Variants in GFRA1 observed in about 807,000 individuals in gnomAD.
GFRA1 encodes GDNF family receptor alpha 1, also known as GDNF family receptor alpha-1.
Under a neutral mutation model 51.6 loss-of-function variants are expected in GFRA1, and 16 were observed. The ratio of observed to expected loss-of-function variants is 0.31; its 90% CI spans 0.21 to 0.47. The LOEUF (loss-of-function observed/expected upper bound fraction) is 0.47. Ranked by LOEUF, GFRA1 falls within the 20% of genes least tolerant of loss-of-function variation. The probability of loss-of-function intolerance (pLI) is 1.00; values close to 1 mark genes in which losing one functional copy is unlikely to be tolerated. For missense variants in GFRA1, 530 were observed against 594.3 expected, an observed-to-expected ratio of 0.89 and a Z score of 1.13; for synonymous variants, 270 against 241.3, an observed-to-expected ratio of 1.12 and a Z score of -1.10.
At position 116,058,318 on chromosome 10, in the gene GFRA1, CTGTT is replaced by C. The variant is rs1174276591; in HGVS notation, c.*6076_*6079del. 2.0e-5 allele frequency: 3 copies of C among 152,078 alleles called. No individual in the cohort carries two copies. Among genetic ancestry groups the C allele is most frequent in the Non-Finnish European group, 4.4e-5 (3 of 68,000 alleles). 9.4% of individuals were successfully genotyped at this position (152,078 alleles called of 1,614,324 possible). ...GTTTTGCTCCTTTGAGCACTGCTGA[CTGTT>C]TGCTTTCCTCAGCTAAAGCAGCTCT... On this transcript the variant is annotated 3_prime_UTR_variant, in exon 11 of 11. Coordinates refer to ENST00000355422, the MANE Select transcript of GFRA1 (RefSeq NM_005264.8).
intron 5 of GFRA1, among the ~76,000 whole-genome samples, chr10:116,196,806 AATAT>A (rs1233758005): frequency 7.5e-6 from 1 of 133,176 alleles, no homozygotes; most frequent in Admixed American, 8.6e-5. Context: ...TACATATATA[AATAT>A]ATAAATATAA....
intron 5 of GFRA1, among the ~76,000 whole-genome samples, chr10:116,188,885 G>A (rs560348922): frequency 6.7e-6 from 1 of 148,400 alleles, no homozygotes; most frequent in Admixed American, 6.7e-5. Flanking sequence ...GAGTGACAGA[G>A]TGAGACTCTG....
intron 4 of GFRA1, among the ~76,000 whole-genome samples, chr10:116,229,000 A>G (rs919121599): frequency 6.0e-5 from 9 of 148,852 alleles, no homozygotes; most frequent in African/African-American, 2.0e-4. Flanking sequence ...AAAAAAAAAA[A>G]AAAAAAAGAA....
Position 116,255,558 on chromosome 10 carries a change from A to G in GFRA1, c.418+13945T>C. The G allele has an allele frequency of 6.3e-6, 8 of 1,272,488 alleles. 1 individual carries two copies. The South Asian group carries it at 8.8e-5, about 14-fold the overall frequency. 78.8% of individuals were successfully genotyped at this position (1,272,488 alleles called of 1,614,324 possible). ...CATGTTCACATCCACTCAACACAGG[A>G]CTAGCATATTCAGTATTAATTTTCT... is the stretch of plus-strand genomic sequence containing the variant. On this transcript the variant is annotated intron_variant, in intron 4 of 10. Transcript: ENST00000355422.
At position 116,060,252 on chromosome 10, in the gene GFRA1, T is replaced by C. The variant is rs141518157; in HGVS notation, c.*4146A>G. 152 of 152,300 alleles carry C rather than the reference T, an allele frequency of 1.0e-3. No individual in the cohort carries two copies. Among genetic ancestry groups the C allele is most frequent in the South Asian group, 5.0e-3 (24 of 4,820 alleles). The allele number at this position is 152,300 out of a possible 1,614,324, so 9.4% of individuals were successfully genotyped here. ...AGGTGTCAGATATACACTTGAGATA[T>C]CTATCTTAGGGATGAGAGAAAAATG... On this transcript the variant is annotated 3_prime_UTR_variant, in exon 11 of 11. Transcript: ENST00000355422.
At chr10:116,264,402 G>C (rs552478301) in intron 4 of GFRA1, among the ~76,000 whole-genome samples, 33 of 20,374 alleles carry the variant, frequency 1.6e-3, no homozygotes, top group African/African-American at 5.4e-3. Flanking sequence ...CAGAATGCCG[G>C]CTCAGGATCA....
intron 4 of GFRA1, among the ~76,000 whole-genome samples, chr10:116,255,977 A>G (rs1968815284): frequency 6.6e-6 from 1 of 152,118 alleles, no homozygotes; most frequent in Non-Finnish European, 1.5e-5. Flanking sequence ...ATGCTAATAT[A>G]TTGAGGGAGG....
At chr10:116,191,321 T>C (rs1004232482) in intron 5 of GFRA1, among the ~76,000 whole-genome samples, 2 of 152,246 alleles carry the variant, frequency 1.3e-5, no homozygotes, top group African/African-American at 4.8e-5. Context: ...TCGGCTCTGT[T>C]CTTTCACATT....
intron 5 of GFRA1, among the ~76,000 whole-genome samples, chr10:116,173,298 T>C (rs1313908798): frequency 2.0e-5 from 3 of 152,096 alleles, no homozygotes; most frequent in Non-Finnish European, 2.9e-5. Flanking sequence ...CTGTCTGCCG[T>C]CCCAGTATGG....
At chr10:116,141,337 T>C (rs1589819782) in intron 5 of GFRA1, among the ~76,000 whole-genome samples, 1 of 152,284 alleles carries the variant, frequency 6.6e-6, no homozygotes, top group South Asian at 2.1e-4. Flanking sequence ...TCTGACAAAG[T>C]AACTCAATTA....
At chr10:116,211,992 T>C (rs890779656) in intron 4 of GFRA1, among the ~76,000 whole-genome samples, 1 of 152,206 alleles carries the variant, frequency 6.6e-6, no homozygotes, top group Non-Finnish European at 1.5e-5. Context: ...TCAGCAGCTA[T>C]TATTTATATT....
At chr10:116,142,623 C>T (rs997762849) in intron 5 of GFRA1, among the ~76,000 whole-genome samples, 1 of 152,158 alleles carries the variant, frequency 6.6e-6, no homozygotes, top group Admixed American at 6.5e-5. Context: ...ATGGACTTTG[C>T]GTGTACGTCA....
chr10:116,187,013 T>C (rs1962785626), intron 5 of GFRA1, among the ~76,000 whole-genome samples: 1 of 152,218 alleles, frequency 6.6e-6, no homozygotes, highest in South Asian at 2.1e-4. Context: ...CCTGGGAATT[T>C]TAATGTTAAA....
At chr10:116,228,178 C>T (rs781442266) in intron 4 of GFRA1, among the ~76,000 whole-genome samples, 12 of 152,184 alleles carry the variant, frequency 7.9e-5, no homozygotes, top group Non-Finnish European at 1.3e-4. Context: ...CATTATCTCC[C>T]GGGCCTGGTA....
chr10:116,066,787 T>C (rs753593123), intron 9 of GFRA1, among the ~76,000 whole-genome samples: 2 of 152,204 alleles, frequency 1.3e-5, no homozygotes, highest in African/African-American at 2.4e-5. Flanking sequence ...CGTTTGGCAC[T>C]GACAGACAGA....
intron 5 of GFRA1, among the ~76,000 whole-genome samples, chr10:116,162,307 G>A (rs1432893265): frequency 1.3e-5 from 2 of 152,206 alleles, no homozygotes; most frequent in East Asian, 1.9e-4. Flanking sequence ...CCAGAGATCC[G>A]AAAGGACCCA....
intron 4 of GFRA1, among the ~76,000 whole-genome samples, chr10:116,264,462 C>A (rs1447191091): frequency 6.6e-6 from 1 of 152,192 alleles, no homozygotes; most frequent in African/African-American, 2.4e-5. Flanking sequence ...AAGCAAGTCT[C>A]CGACTTTCCA....
At chr10:116,237,294 T>C (rs71472885) in intron 4 of GFRA1, among the ~76,000 whole-genome samples, 4,632 of 152,244 alleles carry the variant, frequency 0.03, 103 homozygotes, top group Non-Finnish European at 0.047. Context: ...AGCTCTCTGG[T>C]TGAACCATAA....
chr10:116,240,242 C>T (rs1967244342), intron 4 of GFRA1, among the ~76,000 whole-genome samples: 1 of 152,108 alleles, frequency 6.6e-6, no homozygotes, highest in African/African-American at 2.4e-5. Flanking sequence ...CTCCTACTCC[C>T]ATTATGGTGA....
Sources: gnomAD v4.1 joint callset for allele counts (sites outside exome capture counted in the v4.1 genomes callset) on GRCh38, gnomAD v4.1.1 for gene constraint, MANE v1.5 for transcripts, NCBI Gene and HGNC (gene_info 2026-07-23, HGNC 2026-07-21) for gene names.